The following AFF3 variants were observed in gnomAD, a reference collection of about 807,000 sequenced individuals.
AFF3 encodes the protein AF4/FMR2 family member 3.
AFF3 carries 32 observed loss-of-function variants against 129.7 expected under a neutral mutation model. The ratio of observed to expected loss-of-function variants is 0.25; its 90% CI spans 0.19 to 0.33. The LOEUF (loss-of-function observed/expected upper bound fraction) is 0.33, where lower values mean the gene tolerates loss of function less well. AFF3 is among the 10% of genes least tolerant of loss of function. The pLI is 1.00. For missense variants in AFF3, 1,373 were observed against 1,592.0 expected, an observed-to-expected ratio of 0.86 and a Z score of 2.34; for synonymous variants, 644 against 635.4, an observed-to-expected ratio of 1.01 and a Z score of -0.20.
chr2:99,748,869 C>A (rs4851229), intron 9 of AFF3, among the ~76,000 whole-genome samples: 130,637 of 152,226 alleles, frequency 0.86, 56,212 homozygotes, highest in South Asian at 0.93. Flanking sequence ...TATTCATTGA[C>A]GAAAAATCAG....
intron 4 of AFF3, among the ~76,000 whole-genome samples, chr2:100,071,490 A>C (rs1688178345): frequency 6.6e-6 from 1 of 152,186 alleles, no homozygotes; most frequent in South Asian, 2.1e-4. Context: ...TCTGAAAAAC[A>C]CACAAAGCAA....
intron 15 of AFF3, among the ~76,000 whole-genome samples, chr2:99,590,265 G>A (rs1255950960): frequency 6.6e-6 from 1 of 152,244 alleles, no homozygotes; most frequent in Non-Finnish European, 1.5e-5. Context: ...GACAGGAAGT[G>A]GGAGGCTGCC....
rs887143160 is a variant in AFF3 at position 100,016,434 on chromosome 2, G to A, written c.54-7502C>T. Among the ~76,000 whole-genome samples the A allele has an allele frequency of 8.6e-5, 10 of 116,634 alleles. No individual in the cohort carries two copies. In the East Asian group the frequency reaches 1.9e-3, roughly 23 times the overall value. 76.5% of individuals were successfully genotyped at this position (116,634 alleles called of 152,430 possible). The stretch of plus-strand genomic sequence containing the variant: ...TCATGGTGGTAGTGGTGGCAGTGGT[G>A]GTGATGTGGTGGTGGAGATGGTGAT... On this transcript the variant is annotated intron_variant, in intron 4 of 24. Transcript: ENST00000672756.
At chr2:99,585,435 T>C (rs1042857467) in intron 16 of AFF3, among the ~76,000 whole-genome samples, 3 of 152,148 alleles carry the variant, frequency 2.0e-5, no homozygotes, top group Non-Finnish European at 4.4e-5. Flanking sequence ...AGACCACCTT[T>C]CTCAGAATGT....
intron 8 of AFF3, among the ~76,000 whole-genome samples, chr2:99,789,381 G>A (rs970808628): frequency 2.1e-5 from 3 of 144,498 alleles, no homozygotes; most frequent in Admixed American, 1.4e-4. Context: ...TCAAGAGTTC[G>A]AGGCTGCAGT....
chr2:100,108,985 G>A (rs1288747452), intron 2 of AFF3, among the ~76,000 whole-genome samples: 1 of 105,798 alleles, frequency 9.5e-6, no homozygotes, highest in African/African-American at 3.7e-5. Flanking sequence ...AAAGTTTCCC[G>A]CATCCTCCTG....
At chr2:99,975,724 C>T (rs1012525572) in intron 7 of AFF3, among the ~76,000 whole-genome samples, 3 of 147,952 alleles carry the variant, frequency 2.0e-5, no homozygotes, top group Non-Finnish European at 4.5e-5. Flanking sequence ...CCCTTTTTGC[C>T]AACATCTCAC....
chr2:99,837,675 C>T (rs1293394989), intron 7 of AFF3, 151 bp from the exon 8 acceptor site: 1 of 666,914 alleles, frequency 1.5e-6, no homozygotes, highest in Non-Finnish European at 2.6e-6. Flanking sequence ...CAGACAGGCT[C>T]CTTTCCCTAA....
At chr2:100,035,025 C>A (rs1684794461) in intron 4 of AFF3, among the ~76,000 whole-genome samples, 1 of 152,168 alleles carries the variant, frequency 6.6e-6, no homozygotes, top group Non-Finnish European at 1.5e-5. Context: ...TCCTCAAGGC[C>A]ACCAAGGAGG....
chr2:99,778,994 G>A (rs1260509523), intron 8 of AFF3, among the ~76,000 whole-genome samples: 2 of 151,428 alleles, frequency 1.3e-5, no homozygotes, highest in Non-Finnish European at 2.9e-5. Flanking sequence ...ATTAGAGATA[G>A]TTTTACTTCT....
At chr2:99,957,588 C>T (rs769941099) in intron 7 of AFF3, among the ~76,000 whole-genome samples, 4 of 152,202 alleles carry the variant, frequency 2.6e-5, no homozygotes, top group Admixed American at 6.5e-5. Context: ...GCAGCACAGT[C>T]TCCAAAGATG....
chr2:99,878,594 A>G (rs1692471442), intron 7 of AFF3, among the ~76,000 whole-genome samples: 2 of 152,246 alleles, frequency 1.3e-5, no homozygotes, highest in African/African-American at 4.8e-5. Context: ...TCCAAGTCTC[A>G]TGCTCTCTGG....
At chr2:99,789,430 A>T (rs1685037001) in intron 8 of AFF3, among the ~76,000 whole-genome samples, 1 of 115,726 alleles carries the variant, frequency 8.6e-6, no homozygotes, top group Non-Finnish European at 1.6e-5. Flanking sequence ...TAGGTAACAG[A>T]GTGAGGCCCT....
intron 4 of AFF3, among the ~76,000 whole-genome samples, chr2:100,066,637 G>T (rs936765660): frequency 2.6e-5 from 4 of 152,144 alleles, no homozygotes; most frequent in African/African-American, 9.6e-5. Flanking sequence ...ACCCAGTGAG[G>T]TCCCATTTAT....
chr2:99,756,878 C>T (rs980608598), intron 8 of AFF3, among the ~76,000 whole-genome samples: 6 of 152,248 alleles, frequency 3.9e-5, no homozygotes, highest in South Asian at 2.1e-4. Context: ...ATTAATGAAA[C>T]GAATACCTGT....
At chr2:99,959,093 C>A (rs1396250629) in intron 7 of AFF3, among the ~76,000 whole-genome samples, 1 of 151,872 alleles carries the variant, frequency 6.6e-6, no homozygotes, top group Non-Finnish European at 1.5e-5. Context: ...CGAGACCCTG[C>A]CTCTGATAAA....
intron 13 of AFF3, among the ~76,000 whole-genome samples, chr2:99,607,258 T>C (rs1403716197): frequency 1.3e-5 from 2 of 151,798 alleles, no homozygotes; most frequent in African/African-American, 2.4e-5. Context: ...GGAGGCTGGG[T>C]GCAGTGGCTC....
intron 4 of AFF3, among the ~76,000 whole-genome samples, chr2:100,079,188 C>T (rs1436598100): frequency 1.3e-5 from 2 of 152,092 alleles, no homozygotes; most frequent in African/African-American, 4.8e-5. Context: ...CCTCGTGATT[C>T]GCCTGCCTCA....
intron 18 of AFF3, among the ~76,000 whole-genome samples, chr2:99,576,348 C>CAAA (rs59639748): frequency 4.8e-5 from 5 of 103,314 alleles, no homozygotes; most frequent in African/African-American, 1.6e-4. Flanking sequence ...GCTTTTTCTA[C>CAAA]AAAAAAAAAA....
Sources: gnomAD v4.1 joint callset for allele counts (sites outside exome capture counted in the v4.1 genomes callset) on GRCh38, gnomAD v4.1.1 for gene constraint, MANE v1.5 for transcripts, NCBI Gene and HGNC (gene_info 2026-07-23, HGNC 2026-07-21) for gene names.